GPAM: variants seen among roughly 807,000 people sequenced by gnomAD.
GPAM encodes the protein glycerol-3-phosphate acyltransferase 1, mitochondrial.
Under a neutral mutation model 105.0 loss-of-function variants are expected in GPAM, and 56 were observed. That is an observed-to-expected ratio of 0.53 (90% CI 0.43 to 0.67). The LOEUF is 0.67. GPAM is among the 30% of genes least tolerant of loss of function. The probability of loss-of-function intolerance (pLI) is 0.00; values close to 1 mark genes in which losing one functional copy is unlikely to be tolerated. For missense variants in GPAM, 855 were observed against 989.8 expected (o/e 0.86, Z 1.83); for synonymous variants, 368 against 354.4 (o/e 1.04, Z -0.43).
chr10:112,188,004 A>G (rs1847615153), upstream of GPAM, among the ~76,000 whole-genome samples: 2 of 152,182 alleles, frequency 1.3e-5, no homozygotes, highest in Non-Finnish European at 1.5e-5. Flanking sequence ...GATAATGAAA[A>G]CACAATATAT....
intron 6 of GPAM, among the ~76,000 whole-genome samples, chr10:112,174,728 G>A (rs897504421): frequency 3.3e-5 from 5 of 152,110 alleles, no homozygotes; most frequent in African/African-American, 1.2e-4. Flanking sequence ...TGCCCCCCAA[G>A]TCTATTCCCT....
Position 112,153,465 on chromosome 10 carries a change from G to C in GPAM, c.*85C>G. 1.2e-6 allele frequency: 2 copies of C among 1,606,280 alleles called. No individual in the cohort carries two copies. The highest frequency in any genetic ancestry group is 1.7e-6 in the Non-Finnish European group (2 of 1,176,984). On this transcript the variant is annotated 3_prime_UTR_variant, in exon 22 of 22. Coordinates refer to ENST00000348367, the MANE Select transcript of GPAM (RefSeq NM_001244949.2). Reference sequence around the variant, plus strand: ...GACAGGGCAGGCCTGACCCTGCGATGGCACCTTCAACTCTTGAGCCAGAAG... The same window carrying C: ...GACAGGGCAGGCCTGACCCTGCGATCGCACCTTCAACTCTTGAGCCAGAAG...
At chr10:112,218,941 C>T (rs1202532558), upstream of GPAM, among the ~76,000 whole-genome samples, 1 of 152,188 alleles carries the variant, frequency 6.6e-6, no homozygotes, top group Non-Finnish European at 1.5e-5. Context: ...TGGGTGTTAG[C>T]CCGCGTCTTT....
chr10:112,219,524 C>T (rs945167057), upstream of GPAM, among the ~76,000 whole-genome samples: 3 of 152,224 alleles, frequency 2.0e-5, no homozygotes, highest in East Asian at 1.9e-4. Context: ...GAACTCAGTA[C>T]ATATCAGGCA....
chr10:112,222,506 A>G, the GPAM span, among the ~76,000 whole-genome samples: 4 of 152,284 alleles, frequency 2.6e-5, no homozygotes, highest in South Asian at 6.2e-4. Flanking sequence ...TATTCAATGA[A>G]TGCCAGATGG....
At chr10:112,185,780 AAAAC>A (rs1358872266), upstream of GPAM, among the ~76,000 whole-genome samples, 4 of 152,022 alleles carry the variant, frequency 2.6e-5, no homozygotes, top group Non-Finnish European at 5.9e-5. Context: ...CTCAAAAACA[AAAAC>A]AAACAAACAA....
chr10:112,157,326 C>G lies in GPAM; in HGVS notation c.2044G>C (p.Glu682Gln). 2 of 1,613,346 alleles carry G rather than the reference C, an allele frequency of 1.2e-6. No homozygotes were observed. Among genetic ancestry groups the G allele is most frequent in the East Asian group, 2.2e-5 (1 of 44,876 alleles). The change falls in exon 19 of 22, where the codon GAA (glutamate) becomes CAA (glutamine). Residue 682 changes from glutamate to glutamine, a missense_variant. Physicochemically the swap from Glu to Gln is conservative, Grantham distance 29 (BLOSUM62 2). Coordinates refer to ENST00000348367, the MANE Select transcript of GPAM (RefSeq NM_001244949.2). ...AEQQWDKKLP[E>Q]PLSWRSDEED... Reference sequence around the variant, plus strand: ...TCATCACTTCTCCAAGACAAAGGTTCTGGAAGCTTCTTGTCCCACTGCTGC... The same window carrying G: ...TCATCACTTCTCCAAGACAAAGGTTGTGGAAGCTTCTTGTCCCACTGCTGC...
intron 1 of GPAM, among the ~76,000 whole-genome samples, chr10:112,196,178 T>A (rs1370735004): frequency 6.6e-6 from 1 of 152,184 alleles, no homozygotes; most frequent in Non-Finnish European, 1.5e-5. Context: ...GCTAGAGACT[T>A]ATTTTTATTG....
At chr10:112,195,278 C>T (rs964516417) in intron 1 of GPAM, among the ~76,000 whole-genome samples, 2 of 152,238 alleles carry the variant, frequency 1.3e-5, no homozygotes, top group Non-Finnish European at 2.9e-5. Flanking sequence ...ATATTCCTTA[C>T]AGATTTTAGA....
rs1401590489 is a variant in GPAM, at chr10:112,173,846, C to T, written c.414-1G>A. ...CACTTCTGCAATTGCCTCTTGTACT[C>T]TGGTATGAAAATGGAAAAAGAGACA... On this transcript the variant is annotated splice_acceptor_variant, in intron 6 of 21. Coordinates refer to ENST00000348367, the MANE Select transcript of GPAM (RefSeq NM_001244949.2). LOFTEE classifies it high-confidence loss of function. The T allele has an allele frequency of 5.0e-6, 8 of 1,609,602 alleles. No homozygotes were observed. Among genetic ancestry groups the T allele is most frequent in the Non-Finnish European group, 6.0e-6 (7 of 1,175,974 alleles).
chr10:112,200,293 C>T (rs1301670996), intron 1 of GPAM, among the ~76,000 whole-genome samples: 3 of 145,778 alleles, frequency 2.1e-5, no homozygotes, highest in African/African-American at 5.0e-5. Context: ...AACAACTATA[C>T]TGTTGATCGT....
rs1241900380 is a variant in GPAM, at chr10:112,153,499, T to C, written c.*51A>G. The C allele has an allele frequency of 6.2e-7, 1 of 1,612,132 alleles. No homozygotes were observed. Among genetic ancestry groups the C allele is most frequent in the East Asian group, 2.2e-5 (1 of 44,796 alleles). ...AACTCTTGAGCCAGAAGCTGGTACC[T>C]ACAAGGAACTCATCTCATGACCTTC... is the stretch of plus-strand genomic sequence containing the variant. On this transcript the variant is annotated 3_prime_UTR_variant, in exon 22 of 22. Transcript: ENST00000348367.
intron 3 of GPAM, among the ~76,000 whole-genome samples, chr10:112,180,997 T>C (rs1481111523): frequency 1.3e-5 from 2 of 152,136 alleles, no homozygotes; most frequent in African/African-American, 4.8e-5. Context: ...AATTTTACTT[T>C]AAATAAAAAA....
chr10:112,209,697 T>C (rs577987220), intron 1 of GPAM, among the ~76,000 whole-genome samples: 19 of 152,260 alleles, frequency 1.2e-4, no homozygotes, highest in African/African-American at 4.1e-4. Context: ...TTCCTCACAG[T>C]CACTTTTTGG....
chr10:112,193,083 C>A (rs908853979), intron 1 of GPAM, among the ~76,000 whole-genome samples: 1 of 152,186 alleles, frequency 6.6e-6, no homozygotes, highest in Non-Finnish European at 1.5e-5. Context: ...AAAAACGAAC[C>A]CCTTCCAGAC....
chr10:112,193,212 C>T (rs977667169), intron 1 of GPAM, among the ~76,000 whole-genome samples: 4 of 152,086 alleles, frequency 2.6e-5, no homozygotes, highest in African/African-American at 9.7e-5. Context: ...CACTACCCTC[C>T]CTCAGGCTGG....
chr10:112,167,399 T>C (rs926430818), intron 11 of GPAM, among the ~76,000 whole-genome samples: 1 of 152,218 alleles, frequency 6.6e-6, no homozygotes, highest in African/African-American at 2.4e-5. Flanking sequence ...CCATCAGTTC[T>C]TCTCCTAGGC....
rs760613531 is a variant in GPAM, at chr10:112,160,844, C to T, written c.1519G>A (p.Glu507Lys). 4 of 1,613,716 alleles carry T rather than the reference C, an allele frequency of 2.5e-6. No individual in the cohort carries two copies. The highest frequency in any genetic ancestry group is 1.1e-5 in the South Asian group (1 of 91,058). ...TCCTCTTTCATCACAAAGAAGTCTTCGACCAATGTGGAGAGATCAATTCCC... is the reference window on the plus strand; with the variant it reads ...TCCTCTTTCATCACAAAGAAGTCTTTGACCAATGTGGAGAGATCAATTCCC... ...RQGIDLSTLV[E>K]DFFVMKEEVL... is the part of the protein sequence containing the mutation. The change falls in exon 16 of 22, where the codon GAA (glutamate) becomes AAA (lysine). Residue 507 changes from glutamate to lysine, a missense_variant. Glu to Lys is a moderately conservative substitution (Grantham distance 56). Coordinates refer to ENST00000348367, the MANE Select transcript of GPAM (RefSeq NM_001244949.2).
chr10:112,169,314 G>A (rs982344493), intron 9 of GPAM, among the ~76,000 whole-genome samples: 1 of 152,110 alleles, frequency 6.6e-6, no homozygotes, highest in African/African-American at 2.4e-5. Context: ...CTGACCCTTA[G>A]ACATTCTGAA....
Sources: allele counts gnomAD v4.1 joint callset (sites outside exome capture counted in the v4.1 genomes callset), GRCh38; gene constraint gnomAD v4.1.1; transcripts MANE v1.5; gene names NCBI Gene and HGNC (gene_info 2026-07-23, HGNC 2026-07-21).